The following SRPK2 variants were observed in gnomAD, a reference collection of about 807,000 sequenced individuals.
SRPK2 encodes SFRS protein kinase 2.
A neutral mutation model predicts 90.8 loss-of-function variants in SRPK2; 21 were observed. The observed-to-expected ratio is 0.23, with a 90% CI of 0.16 to 0.33. The LOEUF is 0.33. Ranked by LOEUF, SRPK2 falls within the 10% of genes least tolerant of loss-of-function variation. The pLI is 1.00. For missense variants in SRPK2, 620 were observed against 869.0 expected, an observed-to-expected ratio of 0.71 and a Z score of 3.60; for synonymous variants, 288 against 311.1, an observed-to-expected ratio of 0.93 and a Z score of 0.78.
At chr7:105,221,346 G>A (rs1366015740) in intron 2 of SRPK2, among the ~76,000 whole-genome samples, 1 of 152,164 alleles carries the variant, frequency 6.6e-6, no homozygotes, top group Non-Finnish European at 1.5e-5. Flanking sequence ...AGCTCCATCA[G>A]TTATAAACCC....
Position 105,132,994 on chromosome 7 carries a change from C to T in SRPK2, c.1644+10G>A, listed in dbSNP as rs1802247981. On this transcript the variant is annotated intron_variant, in intron 12 of 15. Transcript: ENST00000393651. The stretch of plus-strand genomic sequence containing the variant: ...AAGACCAAAGGTTTTAGAAAGAAAA[C>T]TCTACTTACCACCCAACAAGCATTT... The T allele has an allele frequency of 6.2e-7, 1 of 1,613,950 alleles. No homozygotes were observed. The highest frequency in any genetic ancestry group is 8.5e-7 in the Non-Finnish European group (1 of 1,179,946).
At chr7:105,163,580 A>C (rs1808028792) in intron 6 of SRPK2, among the ~76,000 whole-genome samples, 1 of 152,144 alleles carries the variant, frequency 6.6e-6, no homozygotes, top group Non-Finnish European at 1.5e-5. Flanking sequence ...AGATCACCTG[A>C]GGTCGGGAAT....
chr7:105,132,961 A>G (rs778201310), intron 12 of SRPK2, 43 bp downstream of exon 12: 6 of 1,613,216 alleles, frequency 3.7e-6, no homozygotes, highest in Non-Finnish European at 5.1e-6. Flanking sequence ...GTCTTCGCAC[A>G]CAGAATCAAG....
intron 15 of SRPK2, among the ~76,000 whole-genome samples, chr7:105,121,353 G>T (rs1362559262): frequency 7.5e-5 from 10 of 133,262 alleles, no homozygotes; most frequent in Non-Finnish European, 1.5e-4. Flanking sequence ...TCAAAAAAAG[G>T]AAAAAAGAAA....
intron 2 of SRPK2, among the ~76,000 whole-genome samples, chr7:105,262,550 AAAG>A: frequency 6.6e-6 from 1 of 152,202 alleles, no homozygotes. Context: ...AGGTTTGACG[AAAG>A]AAGGTTTTGC....
At chr7:105,295,094 C>G (rs1197466034) in intron 2 of SRPK2, among the ~76,000 whole-genome samples, 1 of 151,802 alleles carries the variant, frequency 6.6e-6, no homozygotes, top group Non-Finnish European at 1.5e-5. Flanking sequence ...CGCCTGTAGT[C>G]CCAGCTACTC....
At chr7:105,143,456 A>C in intron 9 of SRPK2, 126 bp from the exon 10 acceptor site, 1 of 1,216,188 alleles carries the variant, frequency 8.2e-7, no homozygotes, top group Non-Finnish European at 1.1e-6. Context: ...TAAAATCCCA[A>C]ACCCAGACAG....
chr7:105,193,208 G>A (rs1033165118), intron 3 of SRPK2, among the ~76,000 whole-genome samples: 2 of 152,154 alleles, frequency 1.3e-5, no homozygotes, highest in Admixed American at 6.5e-5. Context: ...ATCTTGAGTT[G>A]ATTTTTGTTT....
At chr7:105,327,182 C>T (rs974796289) in intron 2 of SRPK2, among the ~76,000 whole-genome samples, 4 of 151,990 alleles carry the variant, frequency 2.6e-5, no homozygotes, top group Admixed American at 1.3e-4. Flanking sequence ...TTTGTTAGAA[C>T]ATATGGACCT....
At chr7:105,230,235 G>C (rs1347645031) in intron 2 of SRPK2, among the ~76,000 whole-genome samples, 1 of 152,180 alleles carries the variant, frequency 6.6e-6, no homozygotes, top group African/African-American at 2.4e-5. Context: ...TGGAAGGTGT[G>C]GAAGACTTTG....
At chr7:105,135,295 C>T (rs1802628690) in intron 11 of SRPK2, among the ~76,000 whole-genome samples, 1 of 152,164 alleles carries the variant, frequency 6.6e-6, no homozygotes. Context: ...ACCCCTTCCC[C>T]ACCGAAGACA....
chr7:105,159,076 T>A (rs1400712262), intron 7 of SRPK2, among the ~76,000 whole-genome samples: 3 of 152,152 alleles, frequency 2.0e-5, no homozygotes, highest in African/African-American at 7.2e-5. Context: ...ATACCTAGCA[T>A]AATACTACAT....
intron 2 of SRPK2, among the ~76,000 whole-genome samples, chr7:105,312,041 A>T (rs905235469): frequency 1.3e-5 from 2 of 152,228 alleles, no homozygotes; most frequent in African/African-American, 4.8e-5. Context: ...AACTTTGACA[A>T]ATGCTACAAC....
chr7:105,144,802 G>C (rs2129577183), intron 9 of SRPK2, among the ~76,000 whole-genome samples: 1 of 152,232 alleles, frequency 6.6e-6, no homozygotes, highest in East Asian at 1.9e-4. Flanking sequence ...ACTCTGCACA[G>C]ATCATTAAAA....
At chr7:105,392,295 G>A (rs1303292213), upstream of SRPK2, among the ~76,000 whole-genome samples, 1 of 152,124 alleles carries the variant, frequency 6.6e-6, no homozygotes, top group Non-Finnish European at 1.5e-5. Flanking sequence ...GCACAACATT[G>A]CTAATAGACT....
At chr7:105,129,106 C>T (rs1466749541) in intron 13 of SRPK2, among the ~76,000 whole-genome samples, 3 of 152,134 alleles carry the variant, frequency 2.0e-5, no homozygotes, top group African/African-American at 4.8e-5. Context: ...GGACTACAGG[C>T]GCCCGCCACC....
intron 2 of SRPK2, among the ~76,000 whole-genome samples, chr7:105,217,204 GTATT>G (rs1328810380): frequency 6.6e-6 from 1 of 152,010 alleles, no homozygotes; most frequent in African/African-American, 2.4e-5. Flanking sequence ...CTAAATCTAT[GTATT>G]TTATAATCAT....
chr7:105,163,866 A>G (rs1024423472), intron 6 of SRPK2, among the ~76,000 whole-genome samples: 2 of 152,204 alleles, frequency 1.3e-5, no homozygotes, highest in African/African-American at 4.8e-5. Flanking sequence ...AGCACAAACA[A>G]CAGCCAACAC....
intron 2 of SRPK2, among the ~76,000 whole-genome samples, chr7:105,278,600 C>T (rs186964469): frequency 2.7e-5 from 4 of 149,584 alleles, no homozygotes; most frequent in African/African-American, 7.4e-5. Flanking sequence ...GCAGGAGAAT[C>T]GTTTGGACCT....
Sources: allele counts gnomAD v4.1 joint callset (sites outside exome capture counted in the v4.1 genomes callset), GRCh38; gene constraint gnomAD v4.1.1; transcripts MANE v1.5; gene names NCBI Gene and HGNC (gene_info 2026-07-23, HGNC 2026-07-21).